PHEX: variants seen among roughly 807,000 people sequenced by gnomAD.
The protein encoded by PHEX is phosphate-regulating neutral endopeptidase PHEX.
A neutral mutation model predicts 68.0 loss-of-function variants in PHEX; 16 were observed. The ratio of observed to expected loss-of-function variants is 0.24; its 90% CI spans 0.16 to 0.36. PHEX has a LOEUF of 0.36. Ranked by LOEUF, PHEX falls within the 10% of genes least tolerant of loss-of-function variation. The pLI is 1.00. For synonymous variants in PHEX, 208 were observed against 205.1 expected (o/e 1.01, Z -0.12); for missense variants, 480 against 575.5 (o/e 0.83, Z 1.70).
intron 20 of PHEX, among the ~76,000 whole-genome samples, chrX:22,242,101 T>A (rs760352186): frequency 1.9e-4 from 21 of 111,970 alleles, no homozygotes; most frequent in African/African-American, 6.5e-4. Context: ...GCTTCATACC[T>A]GGGATGCAAG....
intron 3 of PHEX, among the ~76,000 whole-genome samples, chrX:22,058,224 T>G (rs1928205128): frequency 9.0e-6 from 1 of 111,466 alleles, no homozygotes; most frequent in Admixed American, 9.5e-5. Flanking sequence ...TTATCAGCTG[T>G]GTGGCCATGG....
At chrX:22,102,710 C>G (rs921519834) in intron 9 of PHEX, among the ~76,000 whole-genome samples, 8 of 112,450 alleles carry the variant, frequency 7.1e-5, no homozygotes, top group Non-Finnish European at 1.3e-4. Flanking sequence ...AGTGGTGGAA[C>G]CAATGTGAAC....
chrX:22,043,003 T>C (rs1406759704), intron 2 of PHEX, among the ~76,000 whole-genome samples: 1 of 112,434 alleles, frequency 8.9e-6, no homozygotes, highest in Non-Finnish European at 1.9e-5. Flanking sequence ...ATTTCATTTA[T>C]CCTACTTACA....
intron 18 of PHEX, 98 bp from the exon 19 acceptor site, chrX:22,226,342 TATG>T: frequency 3.3e-6 from 2 of 604,287 alleles, no homozygotes; most frequent in Non-Finnish European, 5.6e-6. Context: ...CTCTTTAAAA[TATG>T]ATACTTTTCT....
chrX:22,082,618 G>A (rs952634531), intron 5 of PHEX, among the ~76,000 whole-genome samples: 66 of 112,179 alleles, frequency 5.9e-4, no homozygotes, highest in Middle Eastern at 4.6e-3. Flanking sequence ...GACCTTTGTC[G>A]GATGCACAGT....
At chrX:22,143,479 G>A (rs1174866202) in intron 12 of PHEX, among the ~76,000 whole-genome samples, 1 of 111,891 alleles carries the variant, frequency 8.9e-6, no homozygotes, top group African/African-American at 3.3e-5. Flanking sequence ...AACATTCACA[G>A]TGTTGTGTGA....
At chrX:22,179,421 C>T (rs1933813097) in intron 14 of PHEX, among the ~76,000 whole-genome samples, 1 of 111,238 alleles carries the variant, frequency 9.0e-6, no homozygotes, top group African/African-American at 3.3e-5. Context: ...GTGCACCCAT[C>T]ACACGAGCAG....
At chrX:22,168,597 T>C (rs1341561630) in intron 13 of PHEX, among the ~76,000 whole-genome samples, 8 of 111,997 alleles carry the variant, frequency 7.1e-5, no homozygotes, top group Non-Finnish European at 1.1e-4. Flanking sequence ...TCAGAAACGA[T>C]GCGTAGCTGA....
Position 22,032,593 on chromosome X carries a change from G to A in PHEX, c.-413G>A, listed in dbSNP as rs776891320. The A allele has an allele frequency of 6.7e-5, 9 of 134,326 alleles. No individual in the cohort carries two copies. Among genetic ancestry groups the A allele is most frequent in the African/African-American group, 9.6e-5 (3 of 31,370 alleles). 11.1% of individuals were successfully genotyped at this position (134,326 alleles called of 1,213,427 possible). A position where few individuals can be genotyped will look rare whatever the true frequency, so the allele number is the denominator to read the frequency against. ...TTATCATGATTTGGGGGAGTTTCAC[G>A]AGAATCCAGTTTTGATAAAACAATT... is the stretch of plus-strand genomic sequence containing the variant. On this transcript the variant is annotated 5_prime_UTR_variant, in exon 1 of 22. Coordinates refer to ENST00000379374, the MANE Select transcript of PHEX (RefSeq NM_000444.6).
At position 22,231,761 on chromosome X, in the gene PHEX, T is replaced by C. The variant is rs5951733; in HGVS notation, c.2070+4150T>C. 0.016 allele frequency among the ~76,000 whole-genome samples: 1,810 copies of C among 112,062 alleles called. 78 individuals are homozygous for C. The East Asian group carries it at 0.22, about 14-fold the overall frequency. On this transcript the variant is annotated intron_variant, in intron 20 of 21. Coordinates refer to ENST00000379374, the MANE Select transcript of PHEX (RefSeq NM_000444.6). The stretch of plus-strand genomic sequence containing the variant: ...TTTTTTGAAGGGTTTTTTGTGTCTC[T>C]ATCTCCTTCAGTTCTGCTCTGATGT...
intron 14 of PHEX, among the ~76,000 whole-genome samples, chrX:22,180,082 G>A (rs1015741307): frequency 4.6e-5 from 5 of 108,906 alleles, no homozygotes; most frequent in South Asian, 4.1e-4. Context: ...TGTAGCTGTC[G>A]ATGTCTCCAC....
At chrX:22,104,414 C>T (rs1202745169) in intron 9 of PHEX, among the ~76,000 whole-genome samples, 5 of 109,387 alleles carry the variant, frequency 4.6e-5, no homozygotes, top group African/African-American at 1.7e-4. Flanking sequence ...CTGGAGGCTG[C>T]CTGTGGGGAA....
chrX:22,104,479 C>T (rs190056157), intron 9 of PHEX, among the ~76,000 whole-genome samples: 2 of 111,261 alleles, frequency 1.8e-5, no homozygotes, highest in Non-Finnish European at 1.9e-5. Context: ...TAGTGATGAT[C>T]CCTCATGTTA....
At chrX:22,243,705 A>G (rs1433411799) in intron 20 of PHEX, among the ~76,000 whole-genome samples, 1 of 112,635 alleles carries the variant, frequency 8.9e-6, no homozygotes, top group Non-Finnish European at 1.9e-5. Context: ...CATTAGAGAA[A>G]TGCAAATCAA....
intron 2 of PHEX, among the ~76,000 whole-genome samples, chrX:22,040,445 A>G (rs978559836): frequency 8.9e-6 from 1 of 111,820 alleles, no homozygotes; most frequent in African/African-American, 3.3e-5. Context: ...AGCCTGGGCA[A>G]ATTAGTGAGA....
intron 1 of PHEX, among the ~76,000 whole-genome samples, chrX:22,034,913 T>C (rs190747891): frequency 9.0e-6 from 1 of 111,396 alleles, no homozygotes; most frequent in African/African-American, 3.3e-5. Flanking sequence ...TTCTGCACTA[T>C]TTTAGAATCA....
At chrX:22,078,082 C>T (rs980675328) in intron 5 of PHEX, among the ~76,000 whole-genome samples, 8 of 112,130 alleles carry the variant, frequency 7.1e-5, no homozygotes, top group African/African-American at 2.6e-4. Flanking sequence ...GGAGAAAACA[C>T]GTGCCATGAT....
rs564570192 is a variant in PHEX, at chrX:22,235,182, A to G, written c.2070+7571A>G. Among the ~76,000 whole-genome samples the G allele has an allele frequency of 1.2e-3, 134 of 111,614 alleles. 3 individuals carry two copies. In the South Asian group the frequency reaches 0.049, roughly 40 times the overall value. On this transcript the variant is annotated intron_variant, in intron 20 of 21. Transcript: ENST00000379374. ...TGCACCCACTGTCCAACCAGTCCCAATGAGATGAACTGGGTACCTCAGTTG... is the reference window on the plus strand; with the variant it reads ...TGCACCCACTGTCCAACCAGTCCCAGTGAGATGAACTGGGTACCTCAGTTG...
chrX:22,050,204 G>A (rs994282744), intron 3 of PHEX, among the ~76,000 whole-genome samples: 4 of 112,511 alleles, frequency 3.6e-5, no homozygotes, highest in Admixed American at 2.8e-4. Context: ...GTATGTATTG[G>A]ATTCAATTAG....
Sources: allele counts gnomAD v4.1 joint callset (sites outside exome capture counted in the v4.1 genomes callset), GRCh38; gene constraint gnomAD v4.1.1; transcripts MANE v1.5; gene names NCBI Gene and HGNC (gene_info 2026-07-23, HGNC 2026-07-21).